The following GPCPD1 variants were observed in gnomAD, a reference collection of about 807,000 sequenced individuals.
GPCPD1 encodes glycerophosphocholine phosphodiesterase GPCPD1.
In GPCPD1, 29 loss-of-function variants were observed where a neutral mutation model predicts 89.2. That is an observed-to-expected ratio of 0.33 (90% confidence interval 0.24 to 0.44). The LOEUF (loss-of-function observed/expected upper bound fraction) is 0.44, where lower values mean the gene tolerates loss of function less well. Among genes scored for constraint, GPCPD1 ranks in the 20% least tolerant of loss-of-function variants. GPCPD1 has a pLI of 1.00. For synonymous variants in GPCPD1, 258 were observed against 266.3 expected (o/e 0.97, Z 0.30); for missense variants, 594 against 808.9 (o/e 0.73, Z 3.22).
intron 6 of GPCPD1, among the ~76,000 whole-genome samples, chr20:5,583,281 C>T (rs1978685700): frequency 6.8e-6 from 1 of 147,974 alleles, no homozygotes; most frequent in Non-Finnish European, 1.5e-5. Context: ...CAGTGGCTCA[C>T]ACCTGTAATC....
At position 5,565,037 on chromosome 20, in the gene GPCPD1, G is replaced by T; in HGVS notation, c.1309C>A (p.Pro437Thr). The T allele has an allele frequency of 6.5e-7, 1 of 1,530,558 alleles. No homozygotes were observed. The highest frequency in any genetic ancestry group is 9.1e-7 in the Non-Finnish European group (1 of 1,104,270). 94.8% of individuals were successfully genotyped at this position (1,530,558 alleles called of 1,614,324 possible). ...QEENSFSENQ[P>T]FPSLKMVLES... is the part of the protein sequence containing the mutation. ...CTTACCATCTTAAGAGAAGGAAATG[G>T]CTGATTTTCTGAAAAGGAATTTTCC... Residue 437 changes from proline (P) to threonine (T), a missense_variant, in exon 15 of 20, where the codon CCA becomes ACA. Coordinates refer to ENST00000379019, the MANE Select transcript of GPCPD1 (RefSeq NM_019593.5).
chr20:5,593,465 A>G, intron 3 of GPCPD1, 54 bp from the exon 4 acceptor site: 6 of 886,160 alleles, frequency 6.8e-6, no homozygotes, highest in Non-Finnish European at 1.1e-5. Flanking sequence ...TACAGTGCAT[A>G]AAGACTTCTT....
At chr20:5,554,444 A>T (rs1209493590) in intron 19 of GPCPD1, among the ~76,000 whole-genome samples, 2 of 152,168 alleles carry the variant, frequency 1.3e-5, no homozygotes, top group East Asian at 3.8e-4. Context: ...GTTTAAGTTG[A>T]AGCCAATACT....
intron 6 of GPCPD1, among the ~76,000 whole-genome samples, chr20:5,583,456 G>C (rs1013258231): frequency 2.2e-4 from 33 of 152,026 alleles, no homozygotes; most frequent in Non-Finnish European, 4.6e-4. Context: ...CCTGAGGCAG[G>C]AGTATCACTT....
chr20:5,563,630 TC>T (rs1986214260), intron 15 of GPCPD1, among the ~76,000 whole-genome samples: 1 of 152,168 alleles, frequency 6.6e-6, no homozygotes, highest in Admixed American at 6.5e-5. Context: ...TGCCCTGGCC[TC>T]CCAAAGTGCT....
chr20:5,604,715 G>T (rs1389804021), intron 1 of GPCPD1, among the ~76,000 whole-genome samples: 1 of 149,912 alleles, frequency 6.7e-6, no homozygotes, highest in Admixed American at 6.7e-5. Flanking sequence ...TGAGGCAGGA[G>T]GATGACTTGA....
intron 19 of GPCPD1, among the ~76,000 whole-genome samples, chr20:5,556,999 G>A (rs1985808528): frequency 6.6e-6 from 1 of 152,226 alleles, no homozygotes; most frequent in South Asian, 2.1e-4. Context: ...GTTGTTATTT[G>A]AAATCAGTTA....
intron 2 of GPCPD1, 144 bp downstream of exon 2, chr20:5,604,220 C>T: frequency 1.7e-6 from 1 of 591,168 alleles, no homozygotes; most frequent in Non-Finnish European, 3.1e-6. Context: ...GCTCCAAGCA[C>T]ATTTCTGCTG....
intron 18 of GPCPD1, 123 bp downstream of exon 18, chr20:5,558,561 A>C (rs565826886): frequency 1.7e-6 from 1 of 578,896 alleles, no homozygotes; most frequent in South Asian, 2.6e-5. Flanking sequence ...AAGTAGAGCC[A>C]CTTGTTTGCT....
intron 14 of GPCPD1, among the ~76,000 whole-genome samples, chr20:5,566,339 G>A (rs190508816): frequency 2.2e-4 from 33 of 152,334 alleles, no homozygotes; most frequent in African/African-American, 6.0e-4. Context: ...GTAGAAAAGT[G>A]AAGTGAAATT....
chr20:5,609,848 G>GAAAA (rs11481644), intron 1 of GPCPD1, among the ~76,000 whole-genome samples: 1 of 136,602 alleles, frequency 7.3e-6, no homozygotes, highest in Non-Finnish European at 1.6e-5. Flanking sequence ...TAGGAATTTT[G>GAAAA]AAAAAAAAAA....
intron 11 of GPCPD1, among the ~76,000 whole-genome samples, 187 bp from the exon 12 acceptor site, chr20:5,570,426 CAAAAA>C (rs36030193): frequency 1.7e-4 from 15 of 86,046 alleles, no homozygotes; most frequent in African/African-American, 5.3e-4. Context: ...TTTTTCCTGG[CAAAAA>C]AAAAAAAAAA....
intron 14 of GPCPD1, among the ~76,000 whole-genome samples, chr20:5,565,407 A>C (rs1986345639): frequency 6.6e-6 from 1 of 152,002 alleles, no homozygotes; most frequent in South Asian, 2.1e-4. Context: ...CATTTTAAAA[A>C]TTTTTTTGTA....
chr20:5,563,967 A>C (rs1019147816), intron 15 of GPCPD1, among the ~76,000 whole-genome samples: 2 of 152,178 alleles, frequency 1.3e-5, no homozygotes, highest in African/African-American at 4.8e-5. Context: ...TCCCCAAATA[A>C]GAATTTCCAC....
chr20:5,569,510 C>T (rs192095838), intron 12 of GPCPD1, among the ~76,000 whole-genome samples: 8 of 152,046 alleles, frequency 5.3e-5, no homozygotes, highest in South Asian at 2.1e-4. Context: ...CCCCCCCCGC[C>T]ATTATGCCCT....
intron 12 of GPCPD1, among the ~76,000 whole-genome samples, chr20:5,569,678 AT>A (rs1205496495): frequency 6.6e-6 from 1 of 152,096 alleles, no homozygotes; most frequent in Non-Finnish European, 1.5e-5. Context: ...GCTAAAAAGT[AT>A]TTCCTACCCC....
intron 19 of GPCPD1, 145 bp from the exon 20 acceptor site, chr20:5,547,995 A>G (rs890212802): frequency 1.2e-5 from 6 of 483,760 alleles, no homozygotes; most frequent in African/African-American, 2.0e-5. Flanking sequence ...TTTAAAGATG[A>G]AAGTATCCAT....
chr20:5,557,887 C>T lies in GPCPD1; in HGVS notation c.1829+58G>A, dbSNP rs75560256. The T allele has an allele frequency of 4.4e-3, 3,991 of 898,662 alleles. 94 individuals carry two copies. In the African/African-American group the frequency reaches 0.057, roughly 13 times the overall value. 55.7% of individuals were successfully genotyped at this position (898,662 alleles called of 1,614,324 possible). ...CTAAGTTTAATTTTATTTATAATTT[C>T]GTAAGATGAAATCTATACTTCTAAA... On this transcript the variant is annotated intron_variant, in intron 19 of 19. Coordinates refer to ENST00000379019, the MANE Select transcript of GPCPD1 (RefSeq NM_019593.5).
chr20:5,595,220 AAACC>A (rs1164271029), intron 3 of GPCPD1, among the ~76,000 whole-genome samples: 2 of 152,216 alleles, frequency 1.3e-5, no homozygotes, highest in Non-Finnish European at 2.9e-5. Context: ...TGCTTTAAAC[AAACC>A]AACATGGAAC....
Sources: allele counts gnomAD v4.1 joint callset (sites outside exome capture counted in the v4.1 genomes callset), GRCh38; gene constraint gnomAD v4.1.1; transcripts MANE v1.5; gene names NCBI Gene and HGNC (gene_info 2026-07-23, HGNC 2026-07-21).